Variants in CNTN5 observed in about 807,000 individuals in gnomAD.
CNTN5 encodes the protein contactin-5.
In CNTN5, 77 loss-of-function variants were observed where a neutral mutation model predicts 129.1. The observed-to-expected ratio is 0.60, with a 90% CI of 0.50 to 0.72. CNTN5 has a LOEUF of 0.72. Ranked by LOEUF, CNTN5 falls within the 30% of genes least tolerant of loss-of-function variation. The pLI is 0.00. For missense variants in CNTN5, 1,478 were observed against 1,328.8 expected (o/e 1.11, Z -1.75); for synonymous variants, 509 against 465.6 (o/e 1.09, Z -1.20).
chr11:99,606,920 T>C (rs1044590005), intron 3 of CNTN5, among the ~76,000 whole-genome samples: 5 of 132,094 alleles, frequency 3.8e-5, no homozygotes, highest in African/African-American at 1.4e-4. Flanking sequence ...ACTGGATTCC[T>C]TCCTTACACC....
At position 99,894,525 on chromosome 11, in the gene CNTN5, AAAAACC is replaced by A. The variant is rs1299698444; in HGVS notation, c.578-21524_578-21519del. Reference sequence around the variant, plus strand: ...GACAGGTACCAGCAGCAAAAAAAAAAAAAACCAAAAAACAAAAAACAAAAACAAAAA... The same window carrying A: ...GACAGGTACCAGCAGCAAAAAAAAAAAAAAAACAAAAAACAAAAACAAAAA... On this transcript the variant is annotated intron_variant, in intron 6 of 24. Coordinates refer to ENST00000524871, the MANE Select transcript of CNTN5 (RefSeq NM_014361.4). Among the ~76,000 whole-genome samples, 53 of 148,408 alleles carry A rather than the reference AAAAACC, an allele frequency of 3.6e-4. No homozygotes were observed. The East Asian group carries it at 4.1e-3, about 12-fold the overall frequency.
intron 13 of CNTN5, among the ~76,000 whole-genome samples, chr11:100,078,307 GA>G (rs1944225819): frequency 6.6e-6 from 1 of 151,830 alleles, no homozygotes; most frequent in African/African-American, 2.4e-5. Context: ...ATGACTTTTA[GA>G]AAAAAATATG....
chr11:99,124,575 A>G (rs1476532257), intron 1 of CNTN5, among the ~76,000 whole-genome samples: 1 of 152,112 alleles, frequency 6.6e-6, no homozygotes, highest in African/African-American at 2.4e-5. Context: ...ATAAGGGCAA[A>G]CCAACTCTAA....
At chr11:99,796,844 C>T (rs1299384155) in intron 3 of CNTN5, among the ~76,000 whole-genome samples, 1 of 152,084 alleles carries the variant, frequency 6.6e-6, no homozygotes, top group African/African-American at 2.4e-5. Flanking sequence ...TTTTCCCCTA[C>T]TACATCTCTA....
intron 6 of CNTN5, among the ~76,000 whole-genome samples, chr11:99,900,974 A>G (rs1278305723): frequency 2.6e-5 from 4 of 152,180 alleles, no homozygotes; most frequent in South Asian, 2.1e-4. Context: ...CGGCTCTGGC[A>G]TCAGACATCC....
Position 99,898,354 on chromosome 11 carries a change from G to C in CNTN5, c.578-17700G>C, listed in dbSNP as rs1037482103. On this transcript the variant is annotated intron_variant, in intron 6 of 24. Coordinates refer to ENST00000524871, the MANE Select transcript of CNTN5 (RefSeq NM_014361.4). ...AAAAAAAGAGAGAAGATTCAAATAA[G>C]TACAATTGGAAATGATTAAGGTGAC... Among the ~76,000 whole-genome samples, 38 of 151,938 alleles carry C rather than the reference G, an allele frequency of 2.5e-4. 1 individual carries two copies. The highest frequency in any genetic ancestry group is 2.1e-3 in the Admixed American group (32 of 15,230).
chr11:100,314,376 G>A (rs1284890781), intron 21 of CNTN5, among the ~76,000 whole-genome samples: 1 of 152,104 alleles, frequency 6.6e-6, no homozygotes, highest in Non-Finnish European at 1.5e-5. Flanking sequence ...TTAACATGGT[G>A]TTTCCCTTGA....
intron 6 of CNTN5, among the ~76,000 whole-genome samples, chr11:99,846,164 AT>A (rs1947690189): frequency 6.7e-6 from 1 of 149,192 alleles, no homozygotes; most frequent in South Asian, 2.2e-4. Flanking sequence ...ACACACACGA[AT>A]ATAAACATTT....
chr11:99,624,531 A>C (rs1951062132), intron 3 of CNTN5, among the ~76,000 whole-genome samples: 1 of 152,258 alleles, frequency 6.6e-6, no homozygotes, highest in Admixed American at 6.5e-5. Context: ...GTGAACATAA[A>C]ATTTGAGAAA....
chr11:99,152,989 T>C lies in CNTN5; in HGVS notation c.-210+131719T>C, dbSNP rs114483200. Reference sequence around the variant, plus strand: ...TAGGCCTCCAGTCTCTTCTGGCTAGTAGTGTTTCTGCTGAAAGTTCTGCTG... The same window carrying C: ...TAGGCCTCCAGTCTCTTCTGGCTAGCAGTGTTTCTGCTGAAAGTTCTGCTG... On this transcript the variant is annotated intron_variant, in intron 1 of 24. Coordinates refer to ENST00000524871, the MANE Select transcript of CNTN5 (RefSeq NM_014361.4). Among the ~76,000 whole-genome samples, 403 of 152,352 alleles carry C rather than the reference T, an allele frequency of 2.6e-3. 1 individual carries two copies. Among genetic ancestry groups the C allele is most frequent in the African/African-American group, 9.0e-3 (373 of 41,588 alleles).
Position 99,078,199 on chromosome 11 carries a change from G to A in CNTN5, c.-210+56929G>A, listed in dbSNP as rs560352069. Among the ~76,000 whole-genome samples the A allele has an allele frequency of 7.9e-5, 12 of 151,964 alleles. No individual in the cohort carries two copies. The South Asian group carries it at 2.1e-3, about 26-fold the overall frequency. ...CTAATTAGTGACTATTTGTATTCAC[G>A]GATAATATTTTTTCTTGTGTGGGAA... is the stretch of plus-strand genomic sequence containing the variant. On this transcript the variant is annotated intron_variant, in intron 1 of 24. Coordinates refer to ENST00000524871, the MANE Select transcript of CNTN5 (RefSeq NM_014361.4).
chr11:99,527,780 A>C (rs1947543686), intron 2 of CNTN5, among the ~76,000 whole-genome samples: 1 of 152,140 alleles, frequency 6.6e-6, no homozygotes. Context: ...AATACACCTC[A>C]CGAAGGCATA....
chr11:100,304,433 T>A (rs1163709631), intron 20 of CNTN5, among the ~76,000 whole-genome samples: 1 of 151,602 alleles, frequency 6.6e-6, no homozygotes. Flanking sequence ...GATGCCTGAA[T>A]GTGACATGAC....
Position 100,285,925 on chromosome 11 carries a change from G to A in CNTN5, c.2315-11700G>A, listed in dbSNP as rs557141190. On this transcript the variant is annotated intron_variant, in intron 18 of 24. Coordinates refer to ENST00000524871, the MANE Select transcript of CNTN5 (RefSeq NM_014361.4). ...CACCGTGCGCGAGCCGAAGCAGGGC[G>A]AGGCGTTGCCTCACTTGGGAAGCGC... Among the ~76,000 whole-genome samples, 71 of 152,352 alleles carry A rather than the reference G, an allele frequency of 4.7e-4. 1 individual carries two copies. The South Asian group carries it at 0.014, about 30-fold the overall frequency.
chr11:99,097,055 A>T (rs2135337008), intron 1 of CNTN5, among the ~76,000 whole-genome samples: 1 of 152,004 alleles, frequency 6.6e-6, no homozygotes, highest in South Asian at 2.1e-4. Context: ...ATTTGCAAGT[A>T]ATGTGTCTGT....
intron 2 of CNTN5, among the ~76,000 whole-genome samples, chr11:99,547,439 G>A (rs569930721): frequency 2.6e-5 from 4 of 152,312 alleles, no homozygotes; most frequent in African/African-American, 7.2e-5. Flanking sequence ...TGTTTTATAG[G>A]AAATGTAGAA....
intron 1 of CNTN5, among the ~76,000 whole-genome samples, chr11:99,215,890 T>C (rs1399807125): frequency 6.6e-6 from 1 of 152,174 alleles, no homozygotes; most frequent in Non-Finnish European, 1.5e-5. Flanking sequence ...TTTGTTATTA[T>C]TAATCGTCAG....
chr11:100,302,429 A>G (rs1951244275), intron 20 of CNTN5, among the ~76,000 whole-genome samples: 1 of 151,582 alleles, frequency 6.6e-6, no homozygotes, highest in African/African-American at 2.4e-5. Flanking sequence ...TTATTCTTCC[A>G]TTAACCCAAT....
intron 3 of CNTN5, among the ~76,000 whole-genome samples, chr11:99,723,791 C>T (rs886970379): frequency 4.2e-5 from 6 of 143,422 alleles, no homozygotes; most frequent in Non-Finnish European, 6.4e-5. Context: ...TGCATGCGCA[C>T]GCGTGTGTGT....
Sources: allele counts gnomAD v4.1 joint callset (sites outside exome capture counted in the v4.1 genomes callset), GRCh38; gene constraint gnomAD v4.1.1; transcripts MANE v1.5; gene names NCBI Gene and HGNC (gene_info 2026-07-23, HGNC 2026-07-21).